The following PSKH1 variants were observed in gnomAD, a reference collection of about 807,000 sequenced individuals.
PSKH1 encodes protein serine kinase H1, also known as serine/threonine-protein kinase H1.
Under a neutral mutation model 26.7 loss-of-function variants are expected in PSKH1, and 12 were observed. That is an observed-to-expected ratio of 0.45 (90% CI 0.29 to 0.73). PSKH1 has a LOEUF of 0.73. PSKH1 is among the 30% of genes least tolerant of loss of function. PSKH1 has a pLI of 0.11. For synonymous variants in PSKH1, 213 were observed against 234.3 expected (o/e 0.91, Z 0.83); for missense variants, 431 against 595.2 (o/e 0.72, Z 2.87).
intron 1 of PSKH1, among the ~76,000 whole-genome samples, chr16:67,908,185 C>T (rs2058161825): frequency 6.6e-6 from 1 of 152,158 alleles, no homozygotes; most frequent in Non-Finnish European, 1.5e-5. Flanking sequence ...GCCATCTTTT[C>T]AGCTAGACCC....
intron 1 of PSKH1, among the ~76,000 whole-genome samples, chr16:67,901,322 CTTTAT>C (rs1474502951): frequency 6.6e-6 from 1 of 152,066 alleles, no homozygotes; most frequent in Non-Finnish European, 1.5e-5. Flanking sequence ...TGCCGACTGA[CTTTAT>C]TTTGTTTTCT....
At chr16:67,901,374 C>G (rs1263122985) in intron 1 of PSKH1, among the ~76,000 whole-genome samples, 2 of 152,184 alleles carry the variant, frequency 1.3e-5, no homozygotes, top group African/African-American at 2.4e-5. Context: ...CTCTATCGCC[C>G]AGGCTGGAGT....
At chr16:67,926,127 C>T (rs1021278543) in intron 2 of PSKH1, among the ~76,000 whole-genome samples, 6 of 152,218 alleles carry the variant, frequency 3.9e-5, no homozygotes, top group African/African-American at 1.4e-4. Flanking sequence ...GTTAGCATCC[C>T]TGTTGAGTCA....
chr16:67,927,505 T>A lies in PSKH1; in HGVS notation c.1138T>A (p.Ser380Thr). The part of the protein sequence containing the change: ...SISQNLLKRA[S>T]SRCQSTKSAQ... ...ATCCCAGAACCTCCTTAAACGTGCC[T>A]CCTCGCGCTGCCAGAGCACCAAATC... The change falls in exon 3 of 3, where the codon TCC (serine) becomes ACC (threonine). Residue 380 changes from serine (S) to threonine (T), a missense_variant. By Grantham distance (58) the Ser-to-Thr change is moderately conservative. Coordinates refer to ENST00000291041, the MANE Select transcript of PSKH1 (RefSeq NM_006742.3). The surrounding 1 kb of genome is among the most constrained non-coding windows in gnomAD (Gnocchi z 5.5). 6.2e-7 allele frequency: 1 copy of A among 1,614,156 alleles called. No individual in the cohort carries two copies. The highest frequency in any genetic ancestry group is 8.5e-7 in the Non-Finnish European group (1 of 1,180,032).
At chr16:67,915,194 T>A (rs113871561) in intron 2 of PSKH1, among the ~76,000 whole-genome samples, 2 of 144,604 alleles carry the variant, frequency 1.4e-5, no homozygotes, top group Admixed American at 1.4e-4. Context: ...AGTGAGTGAG[T>A]GAGAGAGAGA....
chr16:67,894,213 C>T (rs915150543), intron 1 of PSKH1, among the ~76,000 whole-genome samples: 9 of 152,182 alleles, frequency 5.9e-5, no homozygotes, highest in Non-Finnish European at 1.2e-4. Flanking sequence ...AGTGCAATGG[C>T]TCATTCATAG....
At chr16:67,899,586 T>C (rs1032584096) in intron 1 of PSKH1, among the ~76,000 whole-genome samples, 1 of 152,102 alleles carries the variant, frequency 6.6e-6, no homozygotes, top group Admixed American at 6.6e-5. Context: ...CGGCCCGCCT[T>C]GGCCTCCCAA....
At chr16:67,894,984 C>T (rs1006833593) in intron 1 of PSKH1, among the ~76,000 whole-genome samples, 5 of 140,164 alleles carry the variant, frequency 3.6e-5, no homozygotes, top group Admixed American at 7.7e-5. Flanking sequence ...GGAGCAATGG[C>T]GCGATCTTGG....
rs564960664 is a variant in PSKH1 at position 67,906,158 on chromosome 16, C to T, written c.-70-2522C>T. ...ACGCGATCTCGGCTACTCTAACCTCCGCCTCCCGGGTTCAAACAATTCTTC... is the reference window on the plus strand; with the variant it reads ...ACGCGATCTCGGCTACTCTAACCTCTGCCTCCCGGGTTCAAACAATTCTTC... On this transcript the variant is annotated intron_variant, in intron 1 of 2. Transcript: ENST00000291041. Among the ~76,000 whole-genome samples the T allele has an allele frequency of 5.9e-5, 9 of 152,214 alleles. No individual in the cohort carries two copies. In the East Asian group the frequency reaches 7.7e-4, roughly 13 times the overall value.
rs1327357496 is a variant in PSKH1 at position 67,928,523 on chromosome 16, G to A, written c.*881G>A. On this transcript the variant is annotated 3_prime_UTR_variant, in exon 3 of 3. Transcript: ENST00000291041. The surrounding 1 kb of genome is among the most constrained non-coding windows in gnomAD (Gnocchi z 4.8). ...TGCTACCTGGGGAATGGGGCACCTG[G>A]GGGCCAAGGCAGAGGGAAGGGGGTC... 1.3e-5 allele frequency: 2 copies of A among 152,696 alleles called. No individual in the cohort carries two copies. The highest frequency in any genetic ancestry group is 2.4e-5 in the African/African-American group (1 of 41,450). 9.5% of individuals were successfully genotyped at this position (152,696 alleles called of 1,614,324 possible).
rs1269167099 is a variant in PSKH1, at chr16:67,909,802, A to G, written c.957+96A>G. The G allele has an allele frequency of 8.5e-7, 1 of 1,182,958 alleles. No homozygotes were observed. Among genetic ancestry groups the G allele is most frequent in the Admixed American group, 2.2e-5 (1 of 46,256 alleles). The allele number at this position is 1,182,958 out of a possible 1,614,324, so 73.3% of individuals were successfully genotyped here. ...CAGTCAGAGGTATGTCCTCAGGGCC[A>G]TGCTCGTGAGGGCCAGGCAGGTCAT... On this transcript the variant is annotated intron_variant, in intron 2 of 2. Coordinates refer to ENST00000291041, the MANE Select transcript of PSKH1 (RefSeq NM_006742.3). The surrounding 1 kb of genome is among the most constrained non-coding windows in gnomAD (Gnocchi z 7.8).
rs2058222561 is a variant in PSKH1, at chr16:67,927,863, C to A, written c.*221C>A. Reference sequence around the variant, plus strand: ...GGTAGCACAGGGGGCTGTGACTCCCCCTGAACTGGGAGCCTGGCCTGGCAC... The same window carrying A: ...GGTAGCACAGGGGGCTGTGACTCCCACTGAACTGGGAGCCTGGCCTGGCAC... On this transcript the variant is annotated 3_prime_UTR_variant, in exon 3 of 3. Transcript: ENST00000291041. The surrounding 1 kb of genome is among the most constrained non-coding windows in gnomAD (Gnocchi z 5.5). 4 of 594,978 alleles carry A rather than the reference C, an allele frequency of 6.7e-6. No homozygotes were observed. The highest frequency in any genetic ancestry group is 2.9e-5 in the East Asian group (1 of 34,760). 36.9% of individuals were successfully genotyped at this position (594,978 alleles called of 1,614,324 possible).
At chr16:67,906,447 A>G (rs55781197) in intron 1 of PSKH1, among the ~76,000 whole-genome samples, 23,027 of 147,078 alleles carry the variant, frequency 0.16, 1,957 homozygotes, top group African/African-American at 0.22. Context: ...GCTCACTGCA[A>G]CCTCCACCAG....
intron 2 of PSKH1, among the ~76,000 whole-genome samples, chr16:67,925,375 G>T (rs1285949079): frequency 1.3e-5 from 2 of 151,552 alleles, no homozygotes; most frequent in African/African-American, 4.9e-5. Flanking sequence ...TGTATTTTTA[G>T]TAGAGACGGG....
chr16:67,915,208 A>AGTGTGTGT (rs10599179), intron 2 of PSKH1, among the ~76,000 whole-genome samples: 4 of 143,990 alleles, frequency 2.8e-5, no homozygotes, highest in South Asian at 2.2e-4. Flanking sequence ...AGAGAGAGAG[A>AGTGTGTGT]GTGTGTGTGT....
At chr16:67,896,540 T>TTA (rs2151309618) in intron 1 of PSKH1, among the ~76,000 whole-genome samples, 1 of 143,610 alleles carries the variant, frequency 7.0e-6, no homozygotes, top group South Asian at 2.2e-4. Flanking sequence ...TGCTTCTTTT[T>TTA]TTTTTTTTTT....
intron 1 of PSKH1, among the ~76,000 whole-genome samples, chr16:67,899,745 T>G (rs2058136800): frequency 1.3e-5 from 2 of 151,692 alleles, no homozygotes. Flanking sequence ...CCTCTCAGGT[T>G]CAAGCGATTT....
intron 1 of PSKH1, among the ~76,000 whole-genome samples, chr16:67,904,722 T>G (rs1490091918): frequency 6.6e-6 from 1 of 151,538 alleles, no homozygotes; most frequent in Non-Finnish European, 1.5e-5. Flanking sequence ...ACTCAAGCTA[T>G]CCCCCCACCT....
intron 1 of PSKH1, among the ~76,000 whole-genome samples, chr16:67,894,953 T>G (rs2058121978): frequency 6.6e-6 from 1 of 150,434 alleles, no homozygotes; most frequent in African/African-American, 2.5e-5. Context: ...GAGACGGAGT[T>G]TTGCTCTTTT....
Sources: allele counts gnomAD v4.1 joint callset (sites outside exome capture counted in the v4.1 genomes callset), GRCh38; gene constraint gnomAD v4.1.1; non-coding constraint Gnocchi (gnomAD v3.1); transcripts MANE v1.5; gene names NCBI Gene and HGNC (gene_info 2026-07-23, HGNC 2026-07-21).